CERCAM: variants seen among roughly 807,000 people sequenced by gnomAD.
The protein encoded by CERCAM is cerebral endothelial cell adhesion molecule, also known as inactive glycosyltransferase 25 family member 3.
A neutral mutation model predicts 66.0 loss-of-function variants in CERCAM; 59 were observed. That is an observed-to-expected ratio of 0.89 (90% CI 0.73 to 1.11). The LOEUF is 1.11. CERCAM is among the 50% of genes most tolerant of loss of function. CERCAM has a pLI of 0.00. For missense variants in CERCAM, 840 were observed against 828.3 expected (o/e 1.01, Z -0.17); for synonymous variants, 318 against 343.6 (o/e 0.93, Z 0.83).
rs762229816 is a variant in CERCAM, at chr9:128,424,546, C to T, written c.698C>T (p.Pro233Leu). 45 of 1,614,110 alleles carry T rather than the reference C, an allele frequency of 2.8e-5. No individual in the cohort carries two copies. The East Asian group carries it at 4.2e-4, about 15-fold the overall frequency. Residue 233 changes from proline to leucine, a missense_variant, in exon 5 of 13, where the codon CCG becomes CTG. Transcript: ENST00000372838. ...GGGGCAGACCAGCTTGCTTTCTACC[C>T]GCCACATCCCAACTACACTTGGCCT... ...AEGADQLAFY[P>L]PHPNYTWPFD...
chr9:128,430,321 G>C (rs1833945739), intron 8 of CERCAM, among the ~76,000 whole-genome samples: 1 of 152,158 alleles, frequency 6.6e-6, no homozygotes, highest in Admixed American at 6.5e-5. Context: ...AGAACTGCTG[G>C]AACCCAGGAG....
Position 128,434,723 on chromosome 9 carries a change from G to C in CERCAM, c.1535+110G>C. The C allele has an allele frequency of 3.6e-6, 4 of 1,100,210 alleles. No individual in the cohort carries two copies. The highest frequency in any genetic ancestry group is 5.2e-6 in the Non-Finnish European group (4 of 771,814). 68.2% of individuals were successfully genotyped at this position (1,100,210 alleles called of 1,614,324 possible). On this transcript the variant is annotated intron_variant, in intron 11 of 12. Coordinates refer to ENST00000372838, the MANE Select transcript of CERCAM (RefSeq NM_016174.5). The surrounding 1 kb of genome is among the most constrained non-coding windows in gnomAD (Gnocchi z 4.5). ...CTGGCAGATGGGGAGACTGGGACTG[G>C]CAAGGCCAAGCCACTTGGCCCAGGT...
chr9:128,432,876 G>A (rs1349690225), intron 9 of CERCAM, among the ~76,000 whole-genome samples: 3 of 151,648 alleles, frequency 2.0e-5, no homozygotes, highest in Non-Finnish European at 2.9e-5. Flanking sequence ...GGCCAGGTGC[G>A]GTGGCTCACG....
chr9:128,423,390 G>A (rs1833758323), intron 3 of CERCAM, 127 bp downstream of exon 3: 3 of 740,470 alleles, frequency 4.1e-6, no homozygotes, highest in Middle Eastern at 3.7e-4. Flanking sequence ...GCCAAGGCAG[G>A]TGGATCACCT....
At chr9:128,436,094 C>T (rs1234717969) in intron 12 of CERCAM, among the ~76,000 whole-genome samples, 189 bp downstream of exon 12, 2 of 152,038 alleles carry the variant, frequency 1.3e-5, no homozygotes, top group Admixed American at 6.6e-5. Flanking sequence ...CTCGCTCTGT[C>T]GCCCAGGCTG....
In CERCAM at chr9:128,434,262, C is replaced by T. The variant is rs376962573; in HGVS notation, c.1331+33C>T. 7 of 1,612,186 alleles carry T rather than the reference C, an allele frequency of 4.3e-6. No homozygotes were observed. In the African/African-American group the frequency reaches 9.4e-5, roughly 22 times the overall value. On this transcript the variant is annotated intron_variant, in intron 10 of 12. Transcript: ENST00000372838. This position sits in a 1 kb window ranked among gnomAD's most constrained non-coding sequence, Gnocchi z 4.5. ...GCCTGCACCCTCAGGGACAAGGGGG[C>T]AGGGTGGGCCTCCGGAGTCTGCCTT...
intron 8 of CERCAM, 152 bp from the exon 9 acceptor site, chr9:128,431,019 C>T (rs1352253167): frequency 2.1e-6 from 2 of 948,934 alleles, no homozygotes; most frequent in Non-Finnish European, 3.1e-6. Context: ...GGTCCAGTCC[C>T]TTGACAGCTT....
rs780515286 is a variant in CERCAM at position 128,435,689 on chromosome 9, G to T, written c.1572G>T (p.Leu524=). The change falls in exon 12 of 13, where the codon CTG becomes CTT. Residue 524 remains leucine (L), a synonymous_variant. Coordinates refer to ENST00000372838, the MANE Select transcript of CERCAM (RefSeq NM_016174.5). ...AGGCACACTTCTGGCCACGGGACCTGGTGGCCTTCTCCGCCCAGCCCCTGC... is the reference window on the plus strand; with the variant it reads ...AGGCACACTTCTGGCCACGGGACCTTGTGGCCTTCTCCGCCCAGCCCCTGC... ...QYKAHFWPRD[L]VAFSAQPLLA... 7.4e-6 allele frequency: 12 copies of T among 1,613,748 alleles called. No homozygotes were observed. In the Admixed American group the frequency reaches 1.8e-4, roughly 25 times the overall value.
intron 5 of CERCAM, chr9:128,427,510 T>C (rs1657325787): frequency 6.7e-6 from 1 of 149,452 alleles, no homozygotes; most frequent in Non-Finnish European, 1.5e-5. Context: ...ACGCCTGTAA[T>C]CCCAGCACTT....
intron 2 of CERCAM, 23 bp from the exon 3 acceptor site, chr9:128,423,123 A>G (rs1833749801): frequency 1.2e-6 from 2 of 1,612,924 alleles, no homozygotes; most frequent in Admixed American, 1.7e-5. Flanking sequence ...CCCCATGGGA[A>G]CATCTCACCT....
chr9:128,423,010 G>A (rs1194147197), intron 2 of CERCAM, 32 bp downstream of exon 2: 29 of 1,613,156 alleles, frequency 1.8e-5, no homozygotes, highest in Non-Finnish European at 2.3e-5. Flanking sequence ...TGCTGGGGAA[G>A]ATGGAGAACA....
chr9:128,431,444 A>C, intron 9 of CERCAM, 141 bp downstream of exon 9: 1 of 1,075,360 alleles, frequency 9.3e-7, no homozygotes, highest in Non-Finnish European at 1.3e-6. Context: ...TCTGTGTTCA[A>C]CACCCCAGTG....
chr9:128,434,781 C>T lies in CERCAM; in HGVS notation c.1535+168C>T, dbSNP rs1277822828. The stretch of plus-strand genomic sequence containing the variant: ...GAGTGGCTCAGCCTAGCCTTAGAGT[C>T]AGTCCATTCTCGGTGTGTACTTTGC... On this transcript the variant is annotated intron_variant, in intron 11 of 12. Coordinates refer to ENST00000372838, the MANE Select transcript of CERCAM (RefSeq NM_016174.5). The surrounding 1 kb of genome is among the most constrained non-coding windows in gnomAD (Gnocchi z 4.5). Among the ~76,000 whole-genome samples, 1 of 152,132 alleles carries T rather than the reference C, an allele frequency of 6.6e-6. No individual in the cohort carries two copies. The highest frequency in any genetic ancestry group is 1.5e-5 in the Non-Finnish European group (1 of 68,012).
intron 5 of CERCAM, among the ~76,000 whole-genome samples, chr9:128,426,279 C>A (rs1281355955): frequency 6.6e-6 from 1 of 151,614 alleles, no homozygotes; most frequent in Non-Finnish European, 1.5e-5. Flanking sequence ...CAAGATGAGA[C>A]CCTGTCTGAA....
At chr9:128,427,122 T>G (rs901253832) in intron 5 of CERCAM, among the ~76,000 whole-genome samples, 17 of 151,116 alleles carry the variant, frequency 1.1e-4, no homozygotes, top group African/African-American at 4.1e-4. Flanking sequence ...TTTTTGTTTG[T>G]TTTTTTTTAA....
intron 5 of CERCAM, among the ~76,000 whole-genome samples, chr9:128,427,489 T>C (rs1833871379): frequency 6.6e-6 from 1 of 151,160 alleles, no homozygotes; most frequent in African/African-American, 2.4e-5. Context: ...ATTGGCCGGG[T>C]GCAGTGGCTC....
At chr9:128,420,027 C>G (rs1833671251), upstream of CERCAM, among the ~76,000 whole-genome samples, 2 of 152,260 alleles carry the variant, frequency 1.3e-5, no homozygotes, top group Admixed American at 1.3e-4. The surrounding 1 kb of genome is among the most constrained non-coding windows in gnomAD (Gnocchi z 5.0). Flanking sequence ...CCCGCCACGA[C>G]GCCCGGCTAA....
chr9:128,430,936 G>A (rs1032877567), intron 8 of CERCAM: 18 of 435,726 alleles, frequency 4.1e-5, no homozygotes, highest in Middle Eastern at 1.3e-3. Flanking sequence ...TTGAACCTGG[G>A]AGGTAGAGGT....
At chr9:128,429,631 C>T (rs766891099) in intron 8 of CERCAM, among the ~76,000 whole-genome samples, 5 of 151,682 alleles carry the variant, frequency 3.3e-5, no homozygotes, top group Non-Finnish European at 5.9e-5. Context: ...ACAGCGTCTC[C>T]GTCTGTTGCC....
Sources: gnomAD v4.1 joint callset for allele counts (sites outside exome capture counted in the v4.1 genomes callset) on GRCh38, gnomAD v4.1.1 for gene constraint, Gnocchi (gnomAD v3.1) non-coding constraint, MANE v1.5 for transcripts, NCBI Gene and HGNC (gene_info 2026-07-23, HGNC 2026-07-21) for gene names.